CBLL1: variants seen among roughly 807,000 people sequenced by gnomAD.
The protein encoded by CBLL1 is E3 ubiquitin-protein ligase Hakai.
A neutral mutation model predicts 44.9 loss-of-function variants in CBLL1; 4 were observed. The observed-to-expected ratio is 0.09, with a 90% confidence interval of 0.04 to 0.20. The LOEUF is 0.20. Ranked by LOEUF, CBLL1 falls within the 10% of genes least tolerant of loss-of-function variation. The pLI, the probability that CBLL1 is intolerant of heterozygous loss-of-function variation, is 1.00. For synonymous variants in CBLL1, 235 were observed against 202.2 expected, an observed-to-expected ratio of 1.16 and a Z score of -1.38; for missense variants, 569 against 636.7, an observed-to-expected ratio of 0.89 and a Z score of 1.14.
At chr7:107,752,725 G>C (rs745877521) in intron 2 of CBLL1, 1 of 395,440 alleles carries the variant, frequency 2.5e-6, no homozygotes, top group African/African-American at 2.1e-5. Flanking sequence ...CAGAGAAATT[G>C]AGCCCCTTTC....
At chr7:107,749,298 A>G in intron 2 of CBLL1, 1 of 271,160 alleles carries the variant, frequency 3.7e-6, no homozygotes, top group Non-Finnish European at 6.8e-6. Context: ...TGCAGAAAGC[A>G]TAACATTAAA....
rs571049164 is a variant in CBLL1, at chr7:107,745,309, G to A, written c.13+1133G>A. On this transcript the variant is annotated intron_variant, in intron 1 of 5. Transcript: ENST00000440859. ...AGGGTTGTTAGGAATGGTCTTTGTG[G>A]AAGCTAAGATCTGATGGATGAGAAG... is the stretch of plus-strand genomic sequence containing the variant. Among the ~76,000 whole-genome samples the A allele has an allele frequency of 1.4e-3, 211 of 152,270 alleles. 1 individual carries two copies. Among genetic ancestry groups the A allele is most frequent in the Non-Finnish European group, 2.1e-3 (145 of 68,014 alleles).
In CBLL1 at chr7:107,761,577, TAAATG is replaced by T. The variant is rs942860027; in HGVS notation, c.*2400_*2404del. 4 of 152,192 alleles carry T rather than the reference TAAATG, an allele frequency of 2.6e-5. No homozygotes were observed. The highest frequency in any genetic ancestry group is 9.6e-5 in the African/African-American group (4 of 41,452). The allele number at this position is 152,192 out of a possible 1,614,324, so 9.4% of individuals were successfully genotyped here. The stretch of plus-strand genomic sequence containing the variant: ...AGCTATGATGGACATAAGTCTAAAT[TAAATG>T]TATGTATGTTTCATTATATTGCTCT... On this transcript the variant is annotated 3_prime_UTR_variant, in exon 6 of 6. Transcript: ENST00000440859.
chr7:107,760,138 G>A lies in CBLL1; in HGVS notation c.*960G>A, dbSNP rs958656329. 6 of 152,222 alleles carry A rather than the reference G, an allele frequency of 3.9e-5. No homozygotes were observed. The highest frequency in any genetic ancestry group is 3.9e-4 in the Admixed American group (6 of 15,268). 9.4% of individuals were successfully genotyped at this position (152,222 alleles called of 1,614,324 possible). On this transcript the variant is annotated 3_prime_UTR_variant, in exon 6 of 6. Transcript: ENST00000440859. ...CTGAATAGGGCTGAATAGGCTTTAT[G>A]TAATTCTTCATTTCATGGTAGAGTT...
rs762447731 is a variant in CBLL1, at chr7:107,753,925, C to G, written c.313C>G (p.Pro105Ala). ...INILGEKDDT[P>A]VHFCDKCGLP... is the part of the protein sequence containing the mutation. The stretch of plus-strand genomic sequence containing the variant: ...CATCTTAGGTGAAAAGGATGATACA[C>G]CAGTTCATTTCTGTGACAAGTGTGG... The change falls in exon 4 of 6, where the codon CCA becomes GCA. Residue 105 changes from proline to alanine, a missense_variant. Physicochemically the swap from Pro to Ala is conservative, Grantham distance 27. Coordinates refer to ENST00000440859, the MANE Select transcript of CBLL1 (RefSeq NM_024814.4). 8.8e-6 allele frequency: 14 copies of G among 1,595,180 alleles called. No homozygotes were observed. The highest frequency in any genetic ancestry group is 1.7e-5 in the Admixed American group (1 of 57,880).
At chr7:107,744,543 G>C (rs1035585112) in intron 1 of CBLL1, 1 of 283,316 alleles carries the variant, frequency 3.5e-6, no homozygotes, top group Non-Finnish European at 6.6e-6. Flanking sequence ...TCTCCGAGTC[G>C]CGGAATCCTC....
chr7:107,755,996 A>G (rs1793512030), intron 5 of CBLL1, among the ~76,000 whole-genome samples: 1 of 152,182 alleles, frequency 6.6e-6, no homozygotes, highest in Admixed American at 6.5e-5. Context: ...GCTGGCATAT[A>G]GTAAGCACTG....
chr7:107,746,125 T>G (rs1350004663), intron 1 of CBLL1, among the ~76,000 whole-genome samples: 1 of 152,214 alleles, frequency 6.6e-6, no homozygotes, highest in Non-Finnish European at 1.5e-5. Context: ...GGGATTTTGA[T>G]GTTAGAATAG....
In CBLL1 at chr7:107,759,212, A is replaced by G; in HGVS notation, c.*34A>G. On this transcript the variant is annotated 3_prime_UTR_variant, in exon 6 of 6. Transcript: ENST00000440859. ...TTTTGAATGGAAGATATGAGGGGGA[A>G]AAAAACTTATGTGTAGTCAATCTTT... is the stretch of plus-strand genomic sequence containing the variant. The G allele has an allele frequency of 1.3e-6, 2 of 1,520,870 alleles. No homozygotes were observed. Among genetic ancestry groups the G allele is most frequent in the African/African-American group, 1.5e-5 (1 of 68,202 alleles). The allele number at this position is 1,520,870 out of a possible 1,614,324, so 94.2% of individuals were successfully genotyped here.
intron 2 of CBLL1, among the ~76,000 whole-genome samples, chr7:107,753,013 A>G (rs544728386): frequency 6.6e-6 from 1 of 152,230 alleles, no homozygotes; most frequent in Admixed American, 6.5e-5. Context: ...TAGCTAGACT[A>G]GAATAAATGG....
rs1340118018 is a variant in CBLL1 at position 107,758,979 on chromosome 7, C to G, written c.1277C>G (p.Pro426Arg). 5 of 1,613,796 alleles carry G rather than the reference C, an allele frequency of 3.1e-6. No individual in the cohort carries two copies. Among genetic ancestry groups the G allele is most frequent in the Non-Finnish European group, 4.2e-6 (5 of 1,179,950 alleles). Residue 426 changes from proline to arginine, a missense_variant, in exon 6 of 6, where the codon CCT becomes CGT. Pro to Arg is a moderately radical substitution (Grantham distance 103). This residue lies in a region of CBLL1 where 228 missense variants were observed against 253.2 expected (regional missense o/e 0.90). Transcript: ENST00000440859. The surrounding 1 kb of genome is among the most constrained non-coding windows in gnomAD (Gnocchi z 4.2). ...VTAPPPHHYN[P>R]NSLPQFTEDQ... ...GCACCCCCTCCTCACCATTATAATC[C>G]TAACTCATTACCCCAGTTCACTGAA...
intron 2 of CBLL1, among the ~76,000 whole-genome samples, chr7:107,749,799 G>T (rs1793194949): frequency 6.6e-6 from 1 of 151,868 alleles, no homozygotes; most frequent in South Asian, 2.1e-4. Flanking sequence ...TTGTTTTGAT[G>T]TAAATTTATT....
rs746716401 is a variant in CBLL1 at position 107,758,178 on chromosome 7, C to T, written c.476C>T (p.Thr159Ile). The change falls in exon 6 of 6, where the codon ACA (threonine) becomes ATA (isoleucine). Residue 159 changes from threonine (T) to isoleucine (I), a missense_variant. Thr to Ile is a moderately conservative substitution (Grantham distance 89). Coordinates refer to ENST00000440859, the MANE Select transcript of CBLL1 (RefSeq NM_024814.4). This position sits in a 1 kb window ranked among gnomAD's most constrained non-coding sequence, Gnocchi z 4.2. ...CCTGTGCAGCGAATTGAGCAGTGTA[C>T]ACGAGGTTCTCTCTTCATGTGTAGC... ...SDPVQRIEQCTRGSLFMCSIV... is the reference protein window; with the variant it reads ...SDPVQRIEQCIRGSLFMCSIV... 3 of 1,613,702 alleles carry T rather than the reference C, an allele frequency of 1.9e-6. No homozygotes were observed. The South Asian group carries it at 3.3e-5, about 18-fold the overall frequency.
At chr7:107,756,677 T>C (rs147749799) in intron 5 of CBLL1, among the ~76,000 whole-genome samples, 67 of 152,262 alleles carry the variant, frequency 4.4e-4, no homozygotes, top group African/African-American at 1.5e-3. Context: ...TTTGTATAAG[T>C]ATTAAAAGGA....
intron 1 of CBLL1, 90 bp downstream of exon 1, chr7:107,744,266 C>G: frequency 1.1e-5 from 16 of 1,393,524 alleles, no homozygotes; most frequent in Non-Finnish European, 1.5e-5. Flanking sequence ...GGATTATGCT[C>G]GCCCCACAAC....
At position 107,753,876 on chromosome 7, in the gene CBLL1, A is replaced by G. The variant is rs781328207; in HGVS notation, c.283-19A>G. On this transcript the variant is annotated intron_variant, in intron 3 of 5. Coordinates refer to ENST00000440859, the MANE Select transcript of CBLL1 (RefSeq NM_024814.4). ...TAGAATTGTGTAAGAAGGTAATTTTAATTATATCATTTCAACAGATAAACA... is the reference window on the plus strand; with the variant it reads ...TAGAATTGTGTAAGAAGGTAATTTTGATTATATCATTTCAACAGATAAACA... 17 of 1,479,666 alleles carry G rather than the reference A, an allele frequency of 1.1e-5. No homozygotes were observed. The highest frequency in any genetic ancestry group is 1.9e-5 in the Admixed American group (1 of 52,870). The allele number at this position is 1,479,666 out of a possible 1,614,324, so 91.7% of individuals were successfully genotyped here.
chr7:107,758,733 C>T lies in CBLL1; in HGVS notation c.1031C>T (p.Pro344Leu). 2 of 1,613,796 alleles carry T rather than the reference C, an allele frequency of 1.2e-6. No homozygotes were observed. Among genetic ancestry groups the T allele is most frequent in the South Asian group, 1.1e-5 (1 of 91,046 alleles). Residue 344 changes from proline (P) to leucine (L), a missense_variant, in exon 6 of 6, where the codon CCC (proline) becomes CTC (leucine). By Grantham distance (98) the Pro-to-Leu change is moderately conservative (BLOSUM62 -3). Coordinates refer to ENST00000440859, the MANE Select transcript of CBLL1 (RefSeq NM_024814.4). The surrounding 1 kb of genome is among the most constrained non-coding windows in gnomAD (Gnocchi z 4.2). The part of the protein sequence containing the change: ...IMPPQQHYAP[P>L]PPPPPPISHP... ...CCTCCACAGCAACATTATGCACCACCCCCACCTCCTCCACCACCAATAAGC... is the reference window on the plus strand; with the variant it reads ...CCTCCACAGCAACATTATGCACCACTCCCACCTCCTCCACCACCAATAAGC...
intron 5 of CBLL1, among the ~76,000 whole-genome samples, chr7:107,757,827 G>A (rs1208384042): frequency 1.3e-5 from 2 of 151,946 alleles, no homozygotes; most frequent in Non-Finnish European, 2.9e-5. Context: ...GGGTTTTTTG[G>A]CAAATGGATG....
At chr7:107,750,355 GA>G (rs1793229217) in intron 2 of CBLL1, among the ~76,000 whole-genome samples, 1 of 151,928 alleles carries the variant, frequency 6.6e-6, no homozygotes, top group Admixed American at 6.6e-5. Context: ...ACCCAGGCTG[GA>G]GTGCAGTGGC....
Sources: allele counts gnomAD v4.1 joint callset (sites outside exome capture counted in the v4.1 genomes callset), GRCh38; gene constraint gnomAD v4.1.1; regional missense constraint gnomAD v4.1.1; non-coding constraint Gnocchi (gnomAD v3.1); transcripts MANE v1.5; gene names NCBI Gene and HGNC (gene_info 2026-07-23, HGNC 2026-07-21).